TMEM132B: variants seen among roughly 807,000 people sequenced by gnomAD.
TMEM132B encodes the protein transmembrane protein 132B.
A neutral mutation model predicts 90.8 loss-of-function variants in TMEM132B; 18 were observed. That is an observed-to-expected ratio of 0.20 (90% CI 0.14 to 0.29). The LOEUF (loss-of-function observed/expected upper bound fraction) is 0.29. TMEM132B is among the 10% of genes least tolerant of loss of function. The probability of loss-of-function intolerance (pLI) is 1.00; values close to 1 mark genes in which losing one functional copy is unlikely to be tolerated. For synonymous variants in TMEM132B, 504 were observed against 523.3 expected, an observed-to-expected ratio of 0.96 and a Z score of 0.50; for missense variants, 1,096 against 1,326.8, an observed-to-expected ratio of 0.83 and a Z score of 2.70.
chr12:125,316,396 T>C (rs557270541), intron 1 of TMEM132B, among the ~76,000 whole-genome samples: 41 of 152,322 alleles, frequency 2.7e-4, no homozygotes, highest in South Asian at 6.2e-4. Flanking sequence ...TCGCACTCTT[T>C]CTCTTTCTCT....
At chr12:125,616,229 G>A (rs1261571492) in intron 5 of TMEM132B, among the ~76,000 whole-genome samples, 1 of 151,806 alleles carries the variant, frequency 6.6e-6, no homozygotes, top group East Asian at 1.9e-4. Flanking sequence ...GAGAATGATG[G>A]TTTCCAGCTT....
At chr12:125,505,371 T>C (rs547915153) in intron 3 of TMEM132B, among the ~76,000 whole-genome samples, 1 of 151,948 alleles carries the variant, frequency 6.6e-6, no homozygotes, top group African/African-American at 2.4e-5. Context: ...AAAGTTGAAG[T>C]TGTAGAACTG....
At chr12:125,189,149 G>A (rs1413886691) in intron 1 of TMEM132B, among the ~76,000 whole-genome samples, 1 of 152,202 alleles carries the variant, frequency 6.6e-6, no homozygotes, top group African/African-American at 2.4e-5. Flanking sequence ...AAAGAGTAGG[G>A]TGGGTGTACT....
chr12:125,430,757 T>A (rs1304256473), intron 3 of TMEM132B, among the ~76,000 whole-genome samples: 2 of 152,236 alleles, frequency 1.3e-5, no homozygotes, highest in African/African-American at 4.8e-5. Context: ...GAGTCGGTCC[T>A]GGCTCTCCTG....
Position 125,339,774 on chromosome 12 carries a change from C to T in TMEM132B, c.68-9678C>T, listed in dbSNP as rs373053090. On this transcript the variant is annotated intron_variant, in intron 1 of 8. Transcript: ENST00000682704. ...AAGAAGACAGAGGAGCTAGCTACAG[C>T]GTGGGATAAAAATATTTGCACCCCC... Among the ~76,000 whole-genome samples, 11 of 152,234 alleles carry T rather than the reference C, an allele frequency of 7.2e-5. 1 individual carries two copies. Among genetic ancestry groups the T allele is most frequent in the African/African-American group, 2.6e-4 (11 of 41,538 alleles).
At chr12:125,550,682 A>T (rs1884205743) in intron 4 of TMEM132B, among the ~76,000 whole-genome samples, 1 of 152,216 alleles carries the variant, frequency 6.6e-6, no homozygotes, top group Non-Finnish European at 1.5e-5. Flanking sequence ...AGTGTATCTA[A>T]GAGTAACAGC....
At chr12:125,384,980 C>T (rs1029420631) in intron 2 of TMEM132B, among the ~76,000 whole-genome samples, 3 of 152,172 alleles carry the variant, frequency 2.0e-5, no homozygotes, top group African/African-American at 4.8e-5. Flanking sequence ...AACACCTCTC[C>T]TTTCCCCATC....
At chr12:125,507,325 A>C (rs1882871233) in intron 3 of TMEM132B, among the ~76,000 whole-genome samples, 1 of 152,224 alleles carries the variant, frequency 6.6e-6, no homozygotes. Flanking sequence ...AGGAACATGC[A>C]GACAAAACCC....
chr12:125,648,611 A>G (rs1886829286), intron 6 of TMEM132B, among the ~76,000 whole-genome samples: 3 of 152,080 alleles, frequency 2.0e-5, no homozygotes, highest in Admixed American at 2.0e-4. Context: ...AGTTTAAATA[A>G]ATGAATAGGA....
chr12:125,519,215 T>C (rs1409869407), intron 3 of TMEM132B, among the ~76,000 whole-genome samples: 2 of 152,226 alleles, frequency 1.3e-5, no homozygotes, highest in South Asian at 4.1e-4. Flanking sequence ...GACAGCCTGC[T>C]TTCTGCAACA....
chr12:125,468,157 C>T (rs1264671469), intron 3 of TMEM132B, among the ~76,000 whole-genome samples: 2 of 152,134 alleles, frequency 1.3e-5, no homozygotes, highest in Admixed American at 6.5e-5. Context: ...TATGGTAACT[C>T]TATGTTTAAC....
chr12:125,456,204 C>T (rs1231222226), intron 3 of TMEM132B, among the ~76,000 whole-genome samples: 1 of 152,118 alleles, frequency 6.6e-6, no homozygotes, highest in Non-Finnish European at 1.5e-5. Context: ...CCAAATATTG[C>T]GTTTGCTACC....
At chr12:125,651,301 C>T (rs75473825) in intron 7 of TMEM132B, among the ~76,000 whole-genome samples, 2,953 of 152,314 alleles carry the variant, frequency 0.019, 87 homozygotes, top group African/African-American at 0.065. Context: ...GGTGGTTATA[C>T]TGCTGAAAGC....
intron 4 of TMEM132B, among the ~76,000 whole-genome samples, chr12:125,519,989 C>T (rs1350793956): frequency 1.3e-5 from 2 of 152,170 alleles, no homozygotes; most frequent in African/African-American, 4.8e-5. Flanking sequence ...TAACTGACCC[C>T]TTGTCAATTG....
intron 2 of TMEM132B, among the ~76,000 whole-genome samples, chr12:125,409,616 AGTGGAGGAGT>A (rs1225792028): frequency 2.3e-4 from 21 of 89,534 alleles, no homozygotes; most frequent in African/African-American, 1.1e-3. Flanking sequence ...AGTGGAGTGG[AGTGGAGGAGT>A]GGAGTGGAGT....
intron 3 of TMEM132B, among the ~76,000 whole-genome samples, chr12:125,418,124 T>A (rs1880070062): frequency 6.6e-6 from 1 of 152,174 alleles, no homozygotes; most frequent in African/African-American, 2.4e-5. Flanking sequence ...GTGATATCCA[T>A]GGTCTATGCT....
intron 1 of TMEM132B, among the ~76,000 whole-genome samples, chr12:125,201,075 A>AT (rs67062167): frequency 0.29 from 44,344 of 151,446 alleles, 7,056 homozygotes; most frequent in East Asian, 0.47. Flanking sequence ...TATTTCTTTG[A>AT]TTTTTTTTTC....
At chr12:125,320,233 C>T (rs975436141) in intron 1 of TMEM132B, among the ~76,000 whole-genome samples, 3 of 152,232 alleles carry the variant, frequency 2.0e-5, no homozygotes, top group African/African-American at 7.2e-5. Context: ...CCAGCAGCCT[C>T]ATTCATGCAG....
intron 3 of TMEM132B, among the ~76,000 whole-genome samples, chr12:125,433,793 T>C (rs1402980832): frequency 6.6e-6 from 1 of 150,676 alleles, no homozygotes; most frequent in East Asian, 2.0e-4. Context: ...CCATAAAAAA[T>C]GATATTTTGT....
Sources: gnomAD v4.1 joint callset for allele counts (sites outside exome capture counted in the v4.1 genomes callset) on GRCh38, gnomAD v4.1.1 for gene constraint, MANE v1.5 for transcripts, NCBI Gene and HGNC (gene_info 2026-07-23, HGNC 2026-07-21) for gene names.